PHACTR1: variants seen among roughly 807,000 people sequenced by gnomAD.
PHACTR1 encodes phosphatase and actin regulator 1, also known as RPEL repeat containing 1.
A neutral mutation model predicts 69.2 loss-of-function variants in PHACTR1; 16 were observed. The ratio of observed to expected loss-of-function variants is 0.23; its 90% CI spans 0.16 to 0.35. The LOEUF (loss-of-function observed/expected upper bound fraction) is 0.35, where lower values mean the gene tolerates loss of function less well. Among genes scored for constraint, PHACTR1 ranks in the 10% least tolerant of loss-of-function variants. The pLI is 1.00. For missense variants in PHACTR1, 510 were observed against 734.7 expected, an observed-to-expected ratio of 0.69 and a Z score of 3.54; for synonymous variants, 312 against 284.5, an observed-to-expected ratio of 1.10 and a Z score of -0.97.
At chr6:12,979,374 T>C (rs1425117490) in intron 4 of PHACTR1, among the ~76,000 whole-genome samples, 5 of 152,192 alleles carry the variant, frequency 3.3e-5, no homozygotes, top group Non-Finnish European at 7.3e-5. Context: ...GAACAAAGGA[T>C]GCAAGTCAGC....
chr6:13,120,393 C>T (rs35787023), intron 5 of PHACTR1, among the ~76,000 whole-genome samples: 4,157 of 152,196 alleles, frequency 0.027, 99 homozygotes, highest in Middle Eastern at 0.071. Flanking sequence ...TGAGATAGGA[C>T]TTCTTGGCAT....
At chr6:12,958,150 C>A in intron 4 of PHACTR1, 3 of 533,850 alleles carry the variant, frequency 5.6e-6, no homozygotes, top group Non-Finnish European at 7.2e-6. Flanking sequence ...ATGGAGCTGC[C>A]AATATCAATA....
intron 4 of PHACTR1, among the ~76,000 whole-genome samples, chr6:13,003,951 C>CTATATATATATATATATACA (rs1384494931): frequency 4.3e-5 from 4 of 93,548 alleles, no homozygotes; most frequent in African/African-American, 2.5e-4. Flanking sequence ...AGTAGTATTC[C>CTATATATATATATATATACA]TATATATATA....
In PHACTR1 at chr6:13,244,029, C is replaced by T. The variant is rs538981937; in HGVS notation, c.1391+13836C>T. ...GGGTATTTTTTCAGGGGACCTGCCC[C>T]GATAATCACGTAGGTTCTTTTCTAG... On this transcript the variant is annotated intron_variant, in intron 10 of 14. Coordinates refer to ENST00000332995, the MANE Select transcript of PHACTR1 (RefSeq NM_030948.6). 1.2e-4 allele frequency among the ~76,000 whole-genome samples: 18 copies of T among 152,202 alleles called. No individual in the cohort carries two copies. The South Asian group carries it at 3.1e-3, about 26-fold the overall frequency.
intron 4 of PHACTR1, among the ~76,000 whole-genome samples, chr6:12,992,415 TCA>T (rs1369872895): frequency 6.6e-6 from 1 of 152,144 alleles, no homozygotes; most frequent in African/African-American, 2.4e-5. Flanking sequence ...AAACAATATT[TCA>T]AACAGTGAGG....
intron 4 of PHACTR1, among the ~76,000 whole-genome samples, chr6:13,043,085 C>A (rs1583097165): frequency 6.6e-6 from 1 of 152,346 alleles, no homozygotes; most frequent in East Asian, 1.9e-4. Flanking sequence ...CATCTCTGTT[C>A]TCTTTGTCTC....
intron 6 of PHACTR1, among the ~76,000 whole-genome samples, chr6:13,164,745 A>C (rs1411449559): frequency 1.3e-5 from 2 of 152,264 alleles, no homozygotes; most frequent in Non-Finnish European, 1.5e-5. Context: ...TACACACAAA[A>C]TTAATGAGGT....
In PHACTR1 at chr6:13,048,475, ATGGG is replaced by A. The variant is rs1436106770; in HGVS notation, c.251-4889_251-4886del. On this transcript the variant is annotated intron_variant, in intron 4 of 14. Transcript: ENST00000332995. ...TCCCTTTCTTTCTCTGGTTCCTGCA[ATGGG>A]AGACCACTTTATCCTGAGACCTGTT... Among the ~76,000 whole-genome samples the A allele has an allele frequency of 4.0e-5, 6 of 151,124 alleles. No homozygotes were observed. In the South Asian group the frequency reaches 6.3e-4, roughly 16 times the overall value.
At chr6:12,747,666 A>T (rs560095926) in intron 3 of PHACTR1, among the ~76,000 whole-genome samples, 95 of 152,260 alleles carry the variant, frequency 6.2e-4, no homozygotes, top group African/African-American at 2.2e-3. Context: ...CTTGCTGAAA[A>T]TTTAATTACT....
At chr6:12,882,607 G>T (rs959941480) in intron 4 of PHACTR1, among the ~76,000 whole-genome samples, 1 of 152,144 alleles carries the variant, frequency 6.6e-6, no homozygotes, top group African/African-American at 2.4e-5. Flanking sequence ...TCAGAGAGAT[G>T]AAAATGGTTA....
At chr6:13,059,486 AC>A (rs1807359531) in intron 5 of PHACTR1, among the ~76,000 whole-genome samples, 1 of 151,326 alleles carries the variant, frequency 6.6e-6, no homozygotes, top group East Asian at 2.0e-4. Flanking sequence ...ACACACACAC[AC>A]ACACACAAAA....
chr6:13,013,278 C>T (rs954789288), intron 4 of PHACTR1, among the ~76,000 whole-genome samples: 2 of 152,156 alleles, frequency 1.3e-5, no homozygotes, highest in South Asian at 4.1e-4. Flanking sequence ...TCCTTCGGGT[C>T]GGAGAATTTC....
intron 4 of PHACTR1, among the ~76,000 whole-genome samples, chr6:12,810,857 A>G (rs750266257): frequency 6.6e-6 from 1 of 152,048 alleles, no homozygotes. Context: ...TGTCTTCTCC[A>G]TATGTCTCTC....
At chr6:13,026,217 A>G (rs980340281) in intron 4 of PHACTR1, among the ~76,000 whole-genome samples, 6 of 152,206 alleles carry the variant, frequency 3.9e-5, no homozygotes, top group African/African-American at 1.2e-4. Context: ...GAAATCTAAG[A>G]GTGCAATTCC....
chr6:13,210,911 C>CTTTTTTTTTTT (rs56769825), intron 8 of PHACTR1, among the ~76,000 whole-genome samples: 2 of 72,930 alleles, frequency 2.7e-5, no homozygotes, highest in Admixed American at 1.7e-4. Flanking sequence ...TTTATCATTT[C>CTTTTTTTTTTT]TTTTTTTTTT....
chr6:12,893,230 A>G (rs1349723057), intron 4 of PHACTR1, among the ~76,000 whole-genome samples: 1 of 152,204 alleles, frequency 6.6e-6, no homozygotes, highest in Non-Finnish European at 1.5e-5. Flanking sequence ...GGTCACATAG[A>G]CAGATGCGTA....
intron 5 of PHACTR1, among the ~76,000 whole-genome samples, chr6:13,072,090 A>T (rs1809626057): frequency 6.6e-6 from 1 of 152,146 alleles, no homozygotes. Flanking sequence ...TACAACAAGG[A>T]TGATCTTTGT....
chr6:12,781,014 A>T (rs974148789), intron 4 of PHACTR1, among the ~76,000 whole-genome samples: 4 of 152,198 alleles, frequency 2.6e-5, no homozygotes, highest in African/African-American at 9.6e-5. Context: ...TTTGGCAGTC[A>T]TACTATTCTC....
At chr6:13,204,299 G>A (rs1213987931) in intron 7 of PHACTR1, among the ~76,000 whole-genome samples, 2 of 152,070 alleles carry the variant, frequency 1.3e-5, no homozygotes, top group Non-Finnish European at 2.9e-5. Context: ...CTGGAGGAAG[G>A]CCACGTTCAA....
Sources: gnomAD v4.1 joint callset for allele counts (sites outside exome capture counted in the v4.1 genomes callset) on GRCh38, gnomAD v4.1.1 for gene constraint, MANE v1.5 for transcripts, NCBI Gene and HGNC (gene_info 2026-07-23, HGNC 2026-07-21) for gene names.